SRGAP2B: variants seen among roughly 807,000 people sequenced by gnomAD.
The protein encoded by SRGAP2B is SLIT-ROBO Rho GTPase activating protein 2B, also known as SLIT-ROBO Rho GTPase-activating protein 2B.
A neutral mutation model predicts 22.2 loss-of-function variants in SRGAP2B; 9 were observed. The observed-to-expected ratio is 0.41, with a 90% CI of 0.24 to 0.71. SRGAP2B has a LOEUF of 0.71. Ranked by LOEUF, SRGAP2B falls within the 30% of genes least tolerant of loss-of-function variation. The pLI is 0.35. For synonymous variants in SRGAP2B, 36 were observed against 87.4 expected, an observed-to-expected ratio of 0.41 and a Z score of 3.28; for missense variants, 114 against 235.8, an observed-to-expected ratio of 0.48 and a Z score of 3.38.
In SRGAP2B at chr1:144,984,373, A is replaced by AAAAAAAAC. The variant is rs1553338198; in HGVS notation, c.260+10634_260+10635insGTTTTTTT. 2.0e-5 allele frequency among the ~76,000 whole-genome samples: 3 copies of AAAAAAAAC among 148,664 alleles called. No individual in the cohort carries two copies. In the East Asian group the frequency reaches 5.8e-4, roughly 29 times the overall value. ...AACAACAACAACAACAACAAAAAAA[A>AAAAAAAAC]AAAAACAAAAAAGCCCCTCTCTATT... On this transcript the variant is annotated intron_variant, in intron 3 of 9. Transcript: ENST00000612199.
chr1:145,014,181 A>ACCAG (rs1672252437), intron 2 of SRGAP2B, among the ~76,000 whole-genome samples: 3 of 145,578 alleles, frequency 2.1e-5, no homozygotes, highest in African/African-American at 8.0e-5. Context: ...AGGCACCTGT[A>ACCAG]ATTCCAGCTA....
At chr1:145,022,929 G>A (rs1266590470) in intron 2 of SRGAP2B, among the ~76,000 whole-genome samples, 12 of 149,522 alleles carry the variant, frequency 8.0e-5, no homozygotes, top group Non-Finnish European at 1.5e-4. Flanking sequence ...CACTTTGGGA[G>A]GCCCAGGCTG....
At chr1:144,988,999 C>CTTTTTTTTTTT (rs3062880) in intron 3 of SRGAP2B, among the ~76,000 whole-genome samples, 68 of 55,068 alleles carry the variant, frequency 1.2e-3, no homozygotes, top group Admixed American at 1.5e-3. Context: ...ACTCCCCCCA[C>CTTTTTTTTTTT]TTTTTTTTTT....
chr1:144,934,403 C>CAAAAAA lies in SRGAP2B; in HGVS notation c.424-19655_424-19650dup, dbSNP rs782588401. Among the ~76,000 whole-genome samples, 65 of 40,630 alleles carry CAAAAAA rather than the reference C, an allele frequency of 1.6e-3. No individual in the cohort carries two copies. In the South Asian group the frequency reaches 0.022, roughly 14 times the overall value. 26.7% of individuals were successfully genotyped at this position (40,630 alleles called of 152,430 possible). On this transcript the variant is annotated intron_variant, in intron 4 of 9. Coordinates refer to ENST00000612199, the Ensembl canonical transcript of SRGAP2B. ...GGGCAACAAGAGCAAAACTCCATCTCAAAAAAAAAAAAAAAAAAAAAAAGA... is the reference window on the plus strand; with the variant it reads ...GGGCAACAAGAGCAAAACTCCATCTCAAAAAAAAAAAAAAAAAAAAAAAAAAAAAGA...
intron 3 of SRGAP2B, among the ~76,000 whole-genome samples, chr1:144,963,184 G>A (rs1667805615): frequency 6.6e-6 from 1 of 150,626 alleles, no homozygotes; most frequent in East Asian, 1.9e-4. Flanking sequence ...GAATAAAGAG[G>A]CTGTTAAACC....
chr1:144,943,484 A>G (rs587737131), intron 4 of SRGAP2B, among the ~76,000 whole-genome samples: 6 of 151,676 alleles, frequency 4.0e-5, no homozygotes, highest in Non-Finnish European at 2.9e-5. Context: ...ACATACATCT[A>G]CTATAAAATT....
intron 4 of SRGAP2B, chr1:144,919,965 GC>G (rs1347923087): frequency 1.3e-5 from 2 of 150,408 alleles, no homozygotes; most frequent in African/African-American, 5.0e-5. Flanking sequence ...GTGGACCTTC[GC>G]GGTGAGTGTT....
rs587734090 is a variant in SRGAP2B at position 144,972,089 on chromosome 1, C to A, written c.261-16488G>T. On this transcript the variant is annotated intron_variant, in intron 3 of 9. Transcript: ENST00000612199. ...CAAAACTGCTGCTGCCTAACGGCGC[C>A]TGAAAGCATGTTGACACACTGCATG... Among the ~76,000 whole-genome samples, 1,165 of 148,918 alleles carry A rather than the reference C, an allele frequency of 7.8e-3. 24 individuals are homozygous for A. The highest frequency in any genetic ancestry group is 0.012 in the Non-Finnish European group (807 of 67,670).
At chr1:144,998,504 T>C (rs1553618955) in intron 2 of SRGAP2B, among the ~76,000 whole-genome samples, 1 of 147,184 alleles carries the variant, frequency 6.8e-6, no homozygotes, top group African/African-American at 2.6e-5. Flanking sequence ...GTGTGGTTTA[T>C]TTGTGATATG....
At chr1:144,994,560 G>A (rs28605996) in intron 3 of SRGAP2B, among the ~76,000 whole-genome samples, 1 of 34,354 alleles carries the variant, frequency 2.9e-5, no homozygotes. Context: ...GAGTGTGTGT[G>A]TGTGTGTGAG....
chr1:145,019,179 CAAAAAAAAAA>C (rs1169095846), intron 2 of SRGAP2B, among the ~76,000 whole-genome samples: 8 of 40,652 alleles, frequency 2.0e-4, no homozygotes, highest in Admixed American at 6.0e-4. Context: ...CTTGTCTCTA[CAAAAAAAAAA>C]AAAAAAAAAA....
At chr1:145,025,782 T>C (rs587596582) in intron 2 of SRGAP2B, among the ~76,000 whole-genome samples, 20 of 142,160 alleles carry the variant, frequency 1.4e-4, no homozygotes, top group African/African-American at 5.3e-4. Context: ...ATTATTTTCT[T>C]CACTTTGCTT....
intron 3 of SRGAP2B, among the ~76,000 whole-genome samples, chr1:144,967,577 A>C (rs1444540729): frequency 6.8e-6 from 1 of 147,738 alleles, no homozygotes; most frequent in African/African-American, 2.6e-5. Flanking sequence ...TCAAAATTAA[A>C]AGAACTAGAA....
At chr1:144,929,539 T>A (rs1665023589) in intron 4 of SRGAP2B, among the ~76,000 whole-genome samples, 2 of 150,984 alleles carry the variant, frequency 1.3e-5, no homozygotes, top group Admixed American at 1.3e-4. Context: ...ACATAGTTAA[T>A]TTAAAGTTTG....
chr1:145,022,743 G>A (rs1300028710), intron 2 of SRGAP2B, among the ~76,000 whole-genome samples: 1 of 150,274 alleles, frequency 6.7e-6, no homozygotes, highest in Admixed American at 6.6e-5. Flanking sequence ...TGCTGCCTTG[G>A]AAGATGATTA....
At chr1:144,911,981 C>A in intron 5 of SRGAP2B, among the ~76,000 whole-genome samples, 1 of 104,938 alleles carries the variant, frequency 9.5e-6, no homozygotes, top group Non-Finnish European at 1.9e-5. Context: ...GACAGAGTCT[C>A]GCTCTGTTGC....
At chr1:145,041,064 G>GTATATATATAGTATATATATA (rs1490034115) in intron 2 of SRGAP2B, among the ~76,000 whole-genome samples, 8 of 96,644 alleles carry the variant, frequency 8.3e-5, no homozygotes, top group Non-Finnish European at 1.5e-4. Flanking sequence ...TTTGTTGCAT[G>GTATATATATAGTATATATATA]TATATATATA....
At position 144,905,905 on chromosome 1, in the gene SRGAP2B, T is replaced by C. The variant is rs1321262079; in HGVS notation, c.656A>G (p.His219Arg). The C allele has an allele frequency of 1.1e-5, 8 of 708,178 alleles. 1 individual carries two copies. The East Asian group carries it at 2.2e-4, about 19-fold the overall frequency. The allele number at this position is 708,178 out of a possible 1,614,324, so 43.9% of individuals were successfully genotyped here. A position where few individuals can be genotyped will look rare whatever the true frequency, so the allele number is the denominator to read the frequency against. ...CTTCTTCACTGAGCTCCTCCGGACA[T>C]GTTTCTCCTCAATGCGAACGTTGGC... is the stretch of plus-strand genomic sequence containing the variant. Residue 219 changes from histidine (H) to arginine (R), a missense_variant, in exon 6 of 10, where the codon CAT becomes CGT. By Grantham distance (29) the His-to-Arg change is conservative. Around this residue, in one of 2 missense-constraint regions of SRGAP2B, gnomAD observed 19 missense variants for 96.8 expected, o/e 0.20. Transcript: ENST00000612199.
intron 3 of SRGAP2B, among the ~76,000 whole-genome samples, chr1:144,957,261 T>C (rs1403324842): frequency 6.6e-6 from 1 of 150,742 alleles, no homozygotes; most frequent in Non-Finnish European, 1.5e-5. Flanking sequence ...CAGGCACTTG[T>C]GATTTGTAAA....
Sources: allele counts gnomAD v4.1 joint callset (sites outside exome capture counted in the v4.1 genomes callset), GRCh38; gene constraint gnomAD v4.1.1; regional missense constraint gnomAD v4.1.1; transcripts MANE v1.5; gene names NCBI Gene and HGNC (gene_info 2026-07-23, HGNC 2026-07-21).